Variants in MAN1A1 observed in about 807,000 individuals in gnomAD.
MAN1A1 encodes the protein mannosidase alpha class 1A member 1.
In MAN1A1, 29 loss-of-function variants were observed where a neutral mutation model predicts 70.8. The observed-to-expected ratio is 0.41, with a 90% CI of 0.31 to 0.56. The LOEUF (loss-of-function observed/expected upper bound fraction) is 0.56. Among genes scored for constraint, MAN1A1 ranks in the 20% least tolerant of loss-of-function variants. The probability of loss-of-function intolerance (pLI) is 0.29; values close to 1 mark genes in which losing one functional copy is unlikely to be tolerated. For synonymous variants in MAN1A1, 349 were observed against 330.1 expected (o/e 1.06, Z -0.62); for missense variants, 747 against 841.3 (o/e 0.89, Z 1.39).
chr6:119,251,624 A>G (rs1242164696), intron 5 of MAN1A1, among the ~76,000 whole-genome samples: 4 of 152,212 alleles, frequency 2.6e-5, no homozygotes, highest in African/African-American at 9.6e-5. Flanking sequence ...TACAGAAGGC[A>G]AGAGAGAGAT....
chr6:119,327,815 A>G (rs1241578693), intron 2 of MAN1A1, among the ~76,000 whole-genome samples: 1 of 152,152 alleles, frequency 6.6e-6, no homozygotes. Context: ...AATATATACA[A>G]TTTTTGTCTA....
intron 2 of MAN1A1, among the ~76,000 whole-genome samples, chr6:119,333,620 A>G (rs1004731265): frequency 6.6e-6 from 1 of 152,238 alleles, no homozygotes; most frequent in African/African-American, 2.4e-5. Context: ...ACACCTGATT[A>G]CCTGCAGCAT....
intron 6 of MAN1A1, among the ~76,000 whole-genome samples, chr6:119,230,459 C>A (rs1002736289): frequency 6.6e-6 from 1 of 152,162 alleles, no homozygotes; most frequent in Non-Finnish European, 1.5e-5. Flanking sequence ...AGCCTCTTGG[C>A]CTTGTCCTGT....
At chr6:119,342,373 C>T (rs144924781) in intron 2 of MAN1A1, among the ~76,000 whole-genome samples, 1 of 152,088 alleles carries the variant, frequency 6.6e-6, no homozygotes, top group African/African-American at 2.4e-5. Context: ...TAGGTGGTGA[C>T]CAGTAACAGC....
At chr6:119,335,280 C>T (rs1473556177) in intron 2 of MAN1A1, among the ~76,000 whole-genome samples, 1 of 152,168 alleles carries the variant, frequency 6.6e-6, no homozygotes, top group Non-Finnish European at 1.5e-5. Context: ...TAAGTACATA[C>T]TATGTATTGA....
chr6:119,297,866 T>G (rs1325996274), intron 4 of MAN1A1, among the ~76,000 whole-genome samples: 1 of 150,682 alleles, frequency 6.6e-6, no homozygotes, highest in African/African-American at 2.4e-5. Context: ...CCCAGGCTGC[T>G]CTTGAACTTC....
Position 119,187,163 on chromosome 6 carries a change from C to T in MAN1A1, c.1719+1242G>A, listed in dbSNP as rs147797529. On this transcript the variant is annotated intron_variant, in intron 11 of 12. Transcript: ENST00000368468. ...ATTCTAACATCTATAAAATGGATGT[C>T]ATAACTTAATTGGTAGTGTTATTTT... 1.8e-3 allele frequency among the ~76,000 whole-genome samples: 269 copies of T among 152,220 alleles called. 2 individuals carry two copies. Among genetic ancestry groups the T allele is most frequent in the African/African-American group, 6.4e-3 (265 of 41,530 alleles).
Position 119,309,603 on chromosome 6 carries a change from G to C in MAN1A1, c.604-2611C>G, listed in dbSNP as rs184718871. Among the ~76,000 whole-genome samples the C allele has an allele frequency of 5.9e-3, 893 of 152,170 alleles. 28 individuals are homozygous for C. In the East Asian group the frequency reaches 0.09, roughly 15 times the overall value. On this transcript the variant is annotated intron_variant, in intron 2 of 12. Coordinates refer to ENST00000368468, the MANE Select transcript of MAN1A1 (RefSeq NM_005907.4). ...GTTCTAAAGCCTGACATTCCACGTA[G>C]AAGTAAAATGGGCCCAAATTTCAAA...
chr6:119,290,898 G>T, intron 4 of MAN1A1, 135 bp from the exon 5 acceptor site: 1 of 587,546 alleles, frequency 1.7e-6, no homozygotes, highest in Non-Finnish European at 3.0e-6. Context: ...AGGGGGAAAT[G>T]TTCTCCCTTT....
chr6:119,269,351 C>A, intron 5 of MAN1A1: 1 of 240,416 alleles, frequency 4.2e-6, no homozygotes, highest in South Asian at 4.0e-5. Context: ...AGGCTTCAGA[C>A]ACACAACCTT....
chr6:119,350,247 G>A (rs1341951099), upstream of MAN1A1, among the ~76,000 whole-genome samples: 1 of 152,194 alleles, frequency 6.6e-6, no homozygotes, highest in Non-Finnish European at 1.5e-5. Context: ...GCGCTGGGTC[G>A]TTCAGAAGCA....
At chr6:119,347,896 G>A (rs1470440751) in intron 2 of MAN1A1, among the ~76,000 whole-genome samples, 1 of 152,222 alleles carries the variant, frequency 6.6e-6, no homozygotes, top group East Asian at 1.9e-4. Flanking sequence ...AGAGGCAGCC[G>A]ACTGGCTTTT....
intron 3 of MAN1A1, among the ~76,000 whole-genome samples, chr6:119,306,671 C>A (rs890017516): frequency 2.2e-4 from 34 of 152,270 alleles, no homozygotes; most frequent in African/African-American, 8.2e-4. Context: ...GGCGTCAGTA[C>A]TCTTTAAAGT....
intron 6 of MAN1A1, among the ~76,000 whole-genome samples, chr6:119,234,044 A>G (rs1204039404): frequency 6.6e-6 from 1 of 152,136 alleles, no homozygotes; most frequent in African/African-American, 2.4e-5. Flanking sequence ...GTATCCCCAC[A>G]TTTGCTGATT....
At chr6:119,239,183 C>T (rs1209520578) in intron 6 of MAN1A1, among the ~76,000 whole-genome samples, 1 of 152,172 alleles carries the variant, frequency 6.6e-6, no homozygotes, top group African/African-American at 2.4e-5. Flanking sequence ...CGGCCTGAAA[C>T]TGGGTCTATT....
At chr6:119,228,105 A>T (rs918199172) in intron 6 of MAN1A1, among the ~76,000 whole-genome samples, 4 of 152,240 alleles carry the variant, frequency 2.6e-5, no homozygotes, top group Admixed American at 6.5e-5. Flanking sequence ...ACTAAAAGTT[A>T]AACAATGTTG....
At chr6:119,185,844 G>GTTTT (rs63362861) in intron 11 of MAN1A1, among the ~76,000 whole-genome samples, 1 of 132,160 alleles carries the variant, frequency 7.6e-6, no homozygotes, top group Non-Finnish European at 1.6e-5. Context: ...TGGCCTCCCA[G>GTTTT]TTTTTTTTTT....
chr6:119,244,082 C>G (rs1775091776), intron 6 of MAN1A1, among the ~76,000 whole-genome samples: 1 of 152,048 alleles, frequency 6.6e-6, no homozygotes, highest in South Asian at 2.1e-4. Context: ...GGAACATTAA[C>G]TACATTATTT....
At chr6:119,258,883 T>C (rs897676293) in intron 5 of MAN1A1, among the ~76,000 whole-genome samples, 2 of 152,182 alleles carry the variant, frequency 1.3e-5, no homozygotes, top group African/African-American at 4.8e-5. Context: ...TTGAACAGTC[T>C]GTACGATCTT....
Sources: allele counts gnomAD v4.1 joint callset (sites outside exome capture counted in the v4.1 genomes callset), GRCh38; gene constraint gnomAD v4.1.1; transcripts MANE v1.5; gene names NCBI Gene and HGNC (gene_info 2026-07-23, HGNC 2026-07-21).